Variants in PTPRT observed in about 807,000 individuals in gnomAD.
The protein encoded by PTPRT is protein tyrosine phosphatase receptor type T.
Under a neutral mutation model 176.8 loss-of-function variants are expected in PTPRT, and 56 were observed. The observed-to-expected ratio is 0.32, with a 90% CI of 0.26 to 0.40. PTPRT has a LOEUF of 0.40. Ranked by LOEUF, PTPRT falls within the 10% of genes least tolerant of loss-of-function variation. PTPRT has a pLI of 1.00. For missense variants in PTPRT, 1,540 were observed against 1,908.2 expected (o/e 0.81, Z 3.60); for synonymous variants, 783 against 739.0 (o/e 1.06, Z -0.96).
At chr20:42,932,039 G>A (rs192522069) in intron 1 of PTPRT, among the ~76,000 whole-genome samples, 1 of 152,332 alleles carries the variant, frequency 6.6e-6, no homozygotes, top group South Asian at 2.1e-4. Flanking sequence ...GCCACACACG[G>A]GCCTGGCTTG....
At chr20:42,040,843 G>C in the PTPRT span, among the ~76,000 whole-genome samples, 1 of 152,154 alleles carries the variant, frequency 6.6e-6, no homozygotes, top group Admixed American at 6.5e-5. Context: ...GTGCCTTCAG[G>C]GGGTGTTATC....
chr20:42,958,804 G>A (rs1034669418), intron 1 of PTPRT, among the ~76,000 whole-genome samples: 7 of 152,022 alleles, frequency 4.6e-5, no homozygotes, highest in African/African-American at 1.2e-4. Context: ...TTCACCCCTC[G>A]GCTGTTAACT....
chr20:42,215,463 A>G (rs557819276), intron 15 of PTPRT, among the ~76,000 whole-genome samples: 1 of 152,046 alleles, frequency 6.6e-6, no homozygotes, highest in Non-Finnish European at 1.5e-5. Context: ...GTTCTTTTTT[A>G]TCCTCCTTCC....
intron 1 of PTPRT, among the ~76,000 whole-genome samples, chr20:42,938,354 G>A (rs962215891): frequency 2.0e-5 from 3 of 152,254 alleles, no homozygotes; most frequent in East Asian, 3.9e-4. Flanking sequence ...GTTTTCCACC[G>A]AAGCACCATT....
At chr20:43,070,719 G>C (rs1429773344) in intron 1 of PTPRT, among the ~76,000 whole-genome samples, 1 of 151,878 alleles carries the variant, frequency 6.6e-6, no homozygotes, top group Non-Finnish European at 1.5e-5. Flanking sequence ...GCAAACTCTC[G>C]CAAGGATAAA....
chr20:42,684,957 A>G (rs751512739), intron 6 of PTPRT, among the ~76,000 whole-genome samples: 117 of 152,302 alleles, frequency 7.7e-4, no homozygotes, highest in Non-Finnish European at 1.2e-3. Flanking sequence ...AGTGTTCTAC[A>G]GTATTGATTC....
intron 2 of PTPRT, among the ~76,000 whole-genome samples, chr20:42,807,813 G>A (rs1254217795): frequency 6.6e-6 from 1 of 152,100 alleles, no homozygotes; most frequent in Non-Finnish European, 1.5e-5. Context: ...AACATTCACT[G>A]AGCAAGCTTT....
intron 2 of PTPRT, among the ~76,000 whole-genome samples, chr20:42,858,902 C>T (rs938245953): frequency 6.6e-6 from 1 of 152,128 alleles, no homozygotes; most frequent in African/African-American, 2.4e-5. Context: ...AAAATTTGGT[C>T]AAGGGGAGAG....
chr20:42,263,054 A>G (rs1231741410), intron 13 of PTPRT, among the ~76,000 whole-genome samples: 1 of 152,092 alleles, frequency 6.6e-6, no homozygotes, highest in African/African-American at 2.4e-5. Flanking sequence ...CACTCACATG[A>G]TCAGTTTGAA....
Position 43,189,613 on chromosome 20 carries a change from G to C in PTPRT, c.88+33C>G. 1 of 1,219,388 alleles carries C rather than the reference G, an allele frequency of 8.2e-7. No individual in the cohort carries two copies. Among genetic ancestry groups the C allele is most frequent in the Non-Finnish European group, 1.0e-6 (1 of 975,312 alleles). 75.5% of individuals were successfully genotyped at this position (1,219,388 alleles called of 1,614,324 possible). ...GCCCGCGCGCATCCAGGAGGGAGCG[G>C]GGAGCCCAGGGGAGCCGGGCGGGCG... On this transcript the variant is annotated intron_variant, in intron 1 of 30. Coordinates refer to ENST00000373187, the MANE Select transcript of PTPRT (RefSeq NM_007050.6). The surrounding 1 kb of genome is among the most constrained non-coding windows in gnomAD (Gnocchi z 5.0).
intron 1 of PTPRT, among the ~76,000 whole-genome samples, chr20:43,037,770 A>C (rs1986443086): frequency 6.6e-6 from 1 of 152,144 alleles, no homozygotes; most frequent in Non-Finnish European, 1.5e-5. Flanking sequence ...AGGAACGTAA[A>C]ATCTCCAGCT....
intron 1 of PTPRT, among the ~76,000 whole-genome samples, chr20:42,975,489 T>G (rs1178506753): frequency 4.6e-5 from 7 of 152,346 alleles, no homozygotes; most frequent in African/African-American, 1.7e-4. Context: ...CTTTTTTATA[T>G]AAAAACCTTT....
intron 7 of PTPRT, among the ~76,000 whole-genome samples, chr20:42,631,735 G>C (rs2074410801): frequency 6.6e-6 from 1 of 152,180 alleles, no homozygotes; most frequent in Admixed American, 6.5e-5. Context: ...CTCTAAAGCT[G>C]AGGGGATTCT....
intron 7 of PTPRT, among the ~76,000 whole-genome samples, chr20:42,565,780 T>C (rs903158068): frequency 1.3e-5 from 2 of 152,030 alleles, no homozygotes; most frequent in Non-Finnish European, 2.9e-5. Context: ...GGAGTGGGGT[T>C]TGAGCTCCTG....
At chr20:43,138,142 C>T (rs958627564) in intron 1 of PTPRT, among the ~76,000 whole-genome samples, 14 of 152,220 alleles carry the variant, frequency 9.2e-5, no homozygotes, top group African/African-American at 3.4e-4. Context: ...GCTGAGTGGG[C>T]ACTGGCAAGA....
chr20:42,513,041 G>A (rs551386821), intron 7 of PTPRT, among the ~76,000 whole-genome samples: 52 of 152,140 alleles, frequency 3.4e-4, no homozygotes, highest in African/African-American at 1.2e-3. Context: ...TGTATTTTTA[G>A]TGGAGACAGG....
chr20:42,483,148 A>C (rs924344351), intron 7 of PTPRT, among the ~76,000 whole-genome samples: 2 of 151,942 alleles, frequency 1.3e-5, no homozygotes, highest in Non-Finnish European at 2.9e-5. Flanking sequence ...CTCTATTCCC[A>C]CTTCTCTCCC....
intron 11 of PTPRT, among the ~76,000 whole-genome samples, chr20:42,320,100 T>C (rs16986766): frequency 0.23 from 35,641 of 152,086 alleles, 4,392 homozygotes; most frequent in Middle Eastern, 0.3. Flanking sequence ...CAAGGATCTC[T>C]TATTGCAAGG....
intron 9 of PTPRT, among the ~76,000 whole-genome samples, chr20:42,419,827 A>G (rs2059101230): frequency 1.3e-5 from 2 of 152,148 alleles, no homozygotes; most frequent in South Asian, 4.1e-4. Flanking sequence ...TGGGCCCTAG[A>G]CCAATATGAC....
Sources: allele counts gnomAD v4.1 joint callset (sites outside exome capture counted in the v4.1 genomes callset), GRCh38; gene constraint gnomAD v4.1.1; non-coding constraint Gnocchi (gnomAD v3.1); transcripts MANE v1.5; gene names NCBI Gene and HGNC (gene_info 2026-07-23, HGNC 2026-07-21).